Variants in PPARGC1A observed in about 807,000 individuals in gnomAD.
PPARGC1A encodes peroxisome proliferator-activated receptor gamma coactivator 1-alpha.
Under a neutral mutation model 88.7 loss-of-function variants are expected in PPARGC1A, and 25 were observed. The ratio of observed to expected loss-of-function variants is 0.28; its 90% CI spans 0.21 to 0.39. The LOEUF (loss-of-function observed/expected upper bound fraction) is 0.39, where lower values mean the gene tolerates loss of function less well. Among genes scored for constraint, PPARGC1A ranks in the 10% least tolerant of loss-of-function variants. The pLI, the probability that PPARGC1A is intolerant of heterozygous loss-of-function variation, is 1.00. For synonymous variants in PPARGC1A, 363 were observed against 355.6 expected (o/e 1.02, Z -0.24); for missense variants, 880 against 968.7 (o/e 0.91, Z 1.22).
At chr4:23,881,987 A>T (rs1048116151) in intron 2 of PPARGC1A, 7 of 152,198 alleles carry the variant, frequency 4.6e-5, no homozygotes, top group Non-Finnish European at 1.0e-4. Flanking sequence ...CAATTTTAGA[A>T]TGTCACCTGT....
the PPARGC1A span, among the ~76,000 whole-genome samples, chr4:23,910,190 AAT>A: frequency 1.1e-4 from 13 of 118,446 alleles, no homozygotes; most frequent in African/African-American, 4.2e-4. Flanking sequence ...ATATATATAA[AAT>A]ATATAAAAAT....
the PPARGC1A span, among the ~76,000 whole-genome samples, chr4:23,993,321 T>A: frequency 6.6e-6 from 1 of 152,108 alleles, no homozygotes; most frequent in Non-Finnish European, 1.5e-5. Context: ...AAAAGTAGAT[T>A]TAACCCCTGT....
chr4:23,828,521 T>C lies in PPARGC1A; in HGVS notation c.636A>G (p.Lys212=). The C allele has an allele frequency of 6.2e-7, 1 of 1,614,146 alleles. No homozygotes were observed. Among genetic ancestry groups the C allele is most frequent in the Non-Finnish European group, 8.5e-7 (1 of 1,179,992 alleles). The change falls in exon 5 of 13, where the codon AAA becomes AAG. Residue 212 remains lysine (K), a synonymous_variant. Transcript: ENST00000264867. ...PQRRPCSELL[K]YLTTNDDPPH... ...GAGGGTCATCGTTTGTGGTCAGATA[T>C]TTGAGAAGCTCCGAGCAGGGACGTC...
At chr4:23,976,673 G>A in the PPARGC1A span, among the ~76,000 whole-genome samples, 1 of 152,148 alleles carries the variant, frequency 6.6e-6, no homozygotes. Context: ...TCCATAAGAT[G>A]AGAAAAAGAC....
the PPARGC1A span, among the ~76,000 whole-genome samples, chr4:24,038,382 A>G: frequency 2.6e-5 from 4 of 152,224 alleles, no homozygotes; most frequent in East Asian, 3.8e-4. Context: ...TTTAATGGAT[A>G]GAATCAGTAG....
the PPARGC1A span, among the ~76,000 whole-genome samples, chr4:24,297,781 T>G: frequency 5.3e-4 from 81 of 152,274 alleles, no homozygotes; most frequent in African/African-American, 1.8e-3. Context: ...TGTCCAAAGC[T>G]TCTACTGGTC....
chr4:24,068,238 T>C, the PPARGC1A span, among the ~76,000 whole-genome samples: 1 of 152,170 alleles, frequency 6.6e-6, no homozygotes, highest in Non-Finnish European at 1.5e-5. Flanking sequence ...CTAGTTACAC[T>C]TAACTCAGCT....
chr4:24,140,820 G>A, the PPARGC1A span, among the ~76,000 whole-genome samples: 2 of 152,074 alleles, frequency 1.3e-5, no homozygotes, highest in Admixed American at 6.6e-5. Flanking sequence ...AGAAACAATC[G>A]AGAGACACTT....
the PPARGC1A span, among the ~76,000 whole-genome samples, chr4:23,944,584 C>A: frequency 2.0e-5 from 3 of 152,304 alleles, no homozygotes; most frequent in East Asian, 3.9e-4. Flanking sequence ...TGTTTCCCTA[C>A]CCAAATTTCA....
rs139316373 is a variant in PPARGC1A at position 23,861,175 on chromosome 4, T to C, written c.234+23577A>G. ...ATGTTTAGACAGCAATAAAACACTGTTTTGTAAACATAACTAGAAATGCAA... is the reference window on the plus strand; with the variant it reads ...ATGTTTAGACAGCAATAAAACACTGCTTTGTAAACATAACTAGAAATGCAA... On this transcript the variant is annotated intron_variant, in intron 2 of 12. Transcript: ENST00000264867. Among the ~76,000 whole-genome samples, 13 of 152,294 alleles carry C rather than the reference T, an allele frequency of 8.5e-5. No homozygotes were observed. The East Asian group carries it at 1.7e-3, about 20-fold the overall frequency.
At chr4:24,092,335 T>G in the PPARGC1A span, among the ~76,000 whole-genome samples, 8 of 152,158 alleles carry the variant, frequency 5.3e-5, no homozygotes, top group African/African-American at 1.9e-4. Context: ...AGTCAATGCT[T>G]CACTAGCACT....
chr4:24,265,058 T>A, the PPARGC1A span, among the ~76,000 whole-genome samples: 1 of 152,204 alleles, frequency 6.6e-6, no homozygotes, highest in Non-Finnish European at 1.5e-5. Context: ...CCCCAATGTA[T>A]GTGACCACGG....
At chr4:24,012,135 A>G in the PPARGC1A span, among the ~76,000 whole-genome samples, 1 of 152,180 alleles carries the variant, frequency 6.6e-6, no homozygotes, top group Non-Finnish European at 1.5e-5. Context: ...TGTAGCTGCC[A>G]TCATGAGCCC....
chr4:24,351,891 C>CT, the PPARGC1A span, among the ~76,000 whole-genome samples: 5 of 151,994 alleles, frequency 3.3e-5, no homozygotes, highest in South Asian at 2.1e-4. Context: ...AAAGGGTGTT[C>CT]TTTTTTTATT....
the PPARGC1A span, among the ~76,000 whole-genome samples, chr4:24,026,859 A>G: frequency 2.1e-3 from 320 of 152,314 alleles, 3 homozygotes; most frequent in African/African-American, 7.4e-3. Context: ...CTCGCGCTGC[A>G]GGACTAAATC....
chr4:24,099,761 C>T, the PPARGC1A span, among the ~76,000 whole-genome samples: 6 of 151,926 alleles, frequency 3.9e-5, no homozygotes, highest in African/African-American at 1.5e-4. Flanking sequence ...TCTCCATTTA[C>T]TCGTAATACC....
At chr4:24,050,058 T>C in the PPARGC1A span, among the ~76,000 whole-genome samples, 2 of 152,176 alleles carry the variant, frequency 1.3e-5, no homozygotes, top group African/African-American at 2.4e-5. Flanking sequence ...TTTCTGAAGA[T>C]TTTTTTGTGA....
the PPARGC1A span, among the ~76,000 whole-genome samples, chr4:23,927,978 G>A: frequency 2.0e-5 from 3 of 152,118 alleles, no homozygotes; most frequent in Non-Finnish European, 4.4e-5. Context: ...AAGCAGTTGA[G>A]GAGTTCCAAA....
the PPARGC1A span, among the ~76,000 whole-genome samples, chr4:24,103,401 A>G: frequency 6.6e-6 from 1 of 151,060 alleles, no homozygotes; most frequent in East Asian, 2.0e-4. Context: ...TCCACCCAAA[A>G]CGAATGGAAA....
Sources: allele counts gnomAD v4.1 joint callset (sites outside exome capture counted in the v4.1 genomes callset), GRCh38; gene constraint gnomAD v4.1.1; transcripts MANE v1.5; gene names NCBI Gene and HGNC (gene_info 2026-07-23, HGNC 2026-07-21).